Variants in FOXP1 observed in about 807,000 individuals in gnomAD.
FOXP1 encodes the protein forkhead box P1, also known as forkhead box protein P1.
Under a neutral mutation model 98.2 loss-of-function variants are expected in FOXP1, and 15 were observed. That is an observed-to-expected ratio of 0.15 (90% CI 0.10 to 0.24). The LOEUF is 0.24. Among genes scored for constraint, FOXP1 ranks in the 10% least tolerant of loss-of-function variants. The probability of loss-of-function intolerance (pLI) is 1.00; values close to 1 mark genes in which losing one functional copy is unlikely to be tolerated. For synonymous variants in FOXP1, 371 were observed against 314.5 expected (o/e 1.18, Z -1.90); for missense variants, 633 against 848.5 (o/e 0.75, Z 3.15).
intron 2 of FOXP1, chr3:71,542,211 A>G (rs1317244997): frequency 8.1e-6 from 3 of 372,470 alleles, no homozygotes; most frequent in South Asian, 2.2e-5. Flanking sequence ...AAATTTTACA[A>G]TACCTGCAGG....
At chr3:71,555,118 T>C (rs1485538329) in intron 2 of FOXP1, among the ~76,000 whole-genome samples, 1 of 152,216 alleles carries the variant, frequency 6.6e-6, no homozygotes, top group Non-Finnish European at 1.5e-5. Flanking sequence ...GAGTTTACAG[T>C]ATTCAAAAAT....
chr3:71,572,079 G>A (rs943624150), intron 2 of FOXP1: 5 of 152,114 alleles, frequency 3.3e-5, no homozygotes, highest in African/African-American at 4.8e-5. Flanking sequence ...AGTATAAAGC[G>A]CCTGTTAATT....
chr3:71,130,641 T>C (rs777497000), intron 6 of FOXP1: 19 of 1,597,892 alleles, frequency 1.2e-5, no homozygotes, highest in Middle Eastern at 1.6e-4. Flanking sequence ...CAGGAAGTAC[T>C]GTGCGGCTGA....
At chr3:71,474,659 C>T (rs1174502382) in intron 3 of FOXP1, among the ~76,000 whole-genome samples, 1 of 151,960 alleles carries the variant, frequency 6.6e-6, no homozygotes, top group Non-Finnish European at 1.5e-5. Context: ...CAAAGTTGTG[C>T]ACTCCTTATG....
chr3:71,175,264 A>G (rs2061877495), intron 6 of FOXP1, among the ~76,000 whole-genome samples: 1 of 152,196 alleles, frequency 6.6e-6, no homozygotes, highest in South Asian at 2.1e-4. Flanking sequence ...CCACCCAGAA[A>G]CATGCATGTA....
chr3:71,469,504 T>C (rs892227837), intron 3 of FOXP1, among the ~76,000 whole-genome samples: 1 of 152,212 alleles, frequency 6.6e-6, no homozygotes, highest in African/African-American at 2.4e-5. Flanking sequence ...TCCATTTTAA[T>C]TGAGGAAAGA....
chr3:71,491,559 G>A (rs2091059242), intron 3 of FOXP1, among the ~76,000 whole-genome samples: 2 of 152,084 alleles, frequency 1.3e-5, no homozygotes, highest in Admixed American at 6.5e-5. Context: ...TTTACTATTT[G>A]CCTTATTTCT....
intron 2 of FOXP1, among the ~76,000 whole-genome samples, chr3:71,499,952 T>C (rs760912478): frequency 6.6e-6 from 1 of 152,152 alleles, no homozygotes; most frequent in Non-Finnish European, 1.5e-5. Context: ...TAATAATAAC[T>C]CAAACGTGCC....
rs571296040 is a variant in FOXP1, at chr3:70,963,591, CTG to C, written c.1889+2297_1889+2298del. On this transcript the variant is annotated intron_variant, in intron 20 of 20. Transcript: ENST00000649528. ...TTCCGAAAGGGCTACCGCTGAATAA[CTG>C]TGTGCAAAACCACACATTTCCCTTC... Among the ~76,000 whole-genome samples the C allele has an allele frequency of 7.6e-3, 1,158 of 152,300 alleles. 18 individuals carry two copies. The highest frequency in any genetic ancestry group is 0.027 in the African/African-American group (1,109 of 41,564).
chr3:71,486,969 G>T (rs1348082456), intron 3 of FOXP1, among the ~76,000 whole-genome samples: 1 of 152,094 alleles, frequency 6.6e-6, no homozygotes, highest in Admixed American at 6.5e-5. Context: ...TAAGAAACTT[G>T]CCCTGCACCG....
At chr3:71,243,996 T>C (rs778293513) in intron 5 of FOXP1, among the ~76,000 whole-genome samples, 1 of 152,140 alleles carries the variant, frequency 6.6e-6, no homozygotes, top group Non-Finnish European at 1.5e-5. Flanking sequence ...AAAAAGTACA[T>C]AGCCAGTCAC....
intron 4 of FOXP1, among the ~76,000 whole-genome samples, chr3:71,308,783 GTGTGTGTGTGTGTGTGTGTGT>G (rs2074473489): frequency 1.3e-5 from 2 of 151,114 alleles, no homozygotes; most frequent in African/African-American, 2.4e-5. Flanking sequence ...GTGTGTGTGT[GTGTGTGTGTGTGTGTGTGTGT>G]GTGGGTGAGG....
intron 3 of FOXP1, among the ~76,000 whole-genome samples, chr3:71,480,192 A>AAAAC (rs569513627): frequency 3.3e-5 from 5 of 152,296 alleles, no homozygotes; most frequent in South Asian, 2.1e-4. Flanking sequence ...CTGTCTCAAG[A>AAAAC]AAACAAACAA....
chr3:71,178,528 C>G (rs751614422), intron 6 of FOXP1, among the ~76,000 whole-genome samples: 2 of 152,168 alleles, frequency 1.3e-5, no homozygotes, highest in African/African-American at 4.8e-5. Context: ...GCAGGTGGAT[C>G]ACTTGAGGCC....
rs138415721 is a variant in FOXP1 at position 70,977,687 on chromosome 3, C to T, written c.1384G>A (p.Ala462Thr). Residue 462 changes from alanine (A) to threonine (T), a missense_variant, in exon 16 of 21, where the codon GCA becomes ACA. By Grantham distance (58) the Ala-to-Thr change is moderately conservative. Transcript: ENST00000649528. ...TATGTAAATGGTGGTCTAACTTCTG[C>T]GTTCTTATAAAATTCTTGGTTCTGC... ...IAQNQEFYKN[A>T]EVRPPFTYAS... 1.8e-5 allele frequency: 29 copies of T among 1,614,064 alleles called. No individual in the cohort carries two copies. Among genetic ancestry groups the T allele is most frequent in the Admixed American group, 1.3e-4 (8 of 60,020 alleles).
intron 11 of FOXP1, among the ~76,000 whole-genome samples, chr3:71,023,620 C>A (rs2045730440): frequency 6.6e-6 from 1 of 152,178 alleles, no homozygotes; most frequent in South Asian, 2.1e-4. Context: ...GTTCTTATCA[C>A]ATTTCCCTGC....
chr3:70,977,167 T>C (rs2037739277), intron 16 of FOXP1, 125 bp from the exon 17 acceptor site: 3 of 704,518 alleles, frequency 4.3e-6, no homozygotes, highest in Non-Finnish European at 7.6e-6. Context: ...TTTTACAAAA[T>C]GATCTAAGAT....
intron 14 of FOXP1, among the ~76,000 whole-genome samples, chr3:70,978,697 A>G (rs776683718): frequency 5.9e-5 from 9 of 152,142 alleles, no homozygotes; most frequent in Non-Finnish European, 1.0e-4. Flanking sequence ...TATTAAACAC[A>G]ATGGGCCTGA....
intron 17 of FOXP1, among the ~76,000 whole-genome samples, chr3:70,976,250 C>T (rs6769606): frequency 0.19 from 29,389 of 151,600 alleles, 2,947 homozygotes; most frequent in African/African-American, 0.21. Flanking sequence ...GACAGGGTCT[C>T]GCTACGTTGC....
Sources: allele counts gnomAD v4.1 joint callset (sites outside exome capture counted in the v4.1 genomes callset), GRCh38; gene constraint gnomAD v4.1.1; transcripts MANE v1.5; gene names NCBI Gene and HGNC (gene_info 2026-07-23, HGNC 2026-07-21).